The following TMEM108 variants were observed in gnomAD, a reference collection of about 807,000 sequenced individuals.
TMEM108 encodes the protein transmembrane protein 108, also known as cancer/testis antigen 124.
In TMEM108, 12 loss-of-function variants were observed where a neutral mutation model predicts 35.1. The ratio of observed to expected loss-of-function variants is 0.34; its 90% confidence interval spans 0.22 to 0.55. TMEM108 has a LOEUF of 0.55. Ranked by LOEUF, TMEM108 falls within the 20% of genes least tolerant of loss-of-function variation. The probability of loss-of-function intolerance (pLI) is 0.89; values close to 1 mark genes in which losing one functional copy is unlikely to be tolerated. For missense variants in TMEM108, 680 were observed against 753.3 expected, an observed-to-expected ratio of 0.90 and a Z score of 1.14; for synonymous variants, 287 against 308.6, an observed-to-expected ratio of 0.93 and a Z score of 0.73.
intron 2 of TMEM108, among the ~76,000 whole-genome samples, chr3:133,185,167 A>C (rs937852052): frequency 2.0e-5 from 3 of 152,122 alleles, no homozygotes; most frequent in Non-Finnish European, 4.4e-5. Flanking sequence ...AGATCTTTTA[A>C]AATATTATCT....
intron 2 of TMEM108, among the ~76,000 whole-genome samples, chr3:133,132,599 G>C (rs934295254): frequency 6.6e-6 from 1 of 152,134 alleles, no homozygotes; most frequent in African/African-American, 2.4e-5. Flanking sequence ...CTCTGAGGGG[G>C]ATGTACAAGG....
intron 2 of TMEM108, among the ~76,000 whole-genome samples, chr3:133,206,336 C>T (rs1286099771): frequency 6.6e-6 from 1 of 152,198 alleles, no homozygotes; most frequent in African/African-American, 2.4e-5. Context: ...CAGTTTTGTT[C>T]CCTTGCTGGC....
chr3:133,341,912 C>T (rs1475877739), intron 3 of TMEM108, among the ~76,000 whole-genome samples: 5 of 151,878 alleles, frequency 3.3e-5, no homozygotes, highest in African/African-American at 1.2e-4. Flanking sequence ...AAATCTAAGA[C>T]CTCAAACTAT....
At chr3:133,182,306 A>G (rs1002531611) in intron 2 of TMEM108, among the ~76,000 whole-genome samples, 2 of 152,246 alleles carry the variant, frequency 1.3e-5, no homozygotes, top group African/African-American at 4.8e-5. Flanking sequence ...GTTTTGATCT[A>G]GGAAAATACA....
At chr3:133,184,790 C>G (rs759371345) in intron 2 of TMEM108, among the ~76,000 whole-genome samples, 1 of 152,126 alleles carries the variant, frequency 6.6e-6, no homozygotes, top group Non-Finnish European at 1.5e-5. Context: ...TCTCAGTGTT[C>G]TGGGGAGAAT....
intron 2 of TMEM108, among the ~76,000 whole-genome samples, chr3:133,066,141 T>G (rs1943603780): frequency 6.6e-6 from 1 of 152,150 alleles, no homozygotes; most frequent in Admixed American, 6.5e-5. Flanking sequence ...TTCCCATTAC[T>G]TAGACTCGTC....
At chr3:133,165,371 A>G (rs1450053) in intron 2 of TMEM108, among the ~76,000 whole-genome samples, 93,861 of 152,048 alleles carry the variant, frequency 0.62, 29,674 homozygotes, top group Middle Eastern at 0.71. Context: ...TAAATGCACC[A>G]CACATTGGAT....
At chr3:133,094,238 C>CA (rs1943984734) in intron 2 of TMEM108, among the ~76,000 whole-genome samples, 1 of 129,786 alleles carries the variant, frequency 7.7e-6, no homozygotes, top group South Asian at 3.3e-4. Flanking sequence ...CCCCCACCCC[C>CA]CCCACACACA....
chr3:133,125,461 GATTA>G lies in TMEM108; in HGVS notation c.-47+79445_-47+79448del, dbSNP rs375726842. On this transcript the variant is annotated intron_variant, in intron 2 of 5. Transcript: ENST00000321871. Reference sequence around the variant, plus strand: ...CTCGAATGTGCTATTTAACCTCCCTGATTAATTGATTATCCAGCTCCGAAAATAA... The same window carrying G: ...CTCGAATGTGCTATTTAACCTCCCTGATTGATTATCCAGCTCCGAAAATAA... Among the ~76,000 whole-genome samples the G allele has an allele frequency of 2.3e-3, 349 of 152,212 alleles. 4 individuals carry two copies. The highest frequency in any genetic ancestry group is 7.9e-3 in the African/African-American group (328 of 41,550).
At chr3:133,287,266 A>G (rs903501948) in intron 3 of TMEM108, among the ~76,000 whole-genome samples, 1 of 152,128 alleles carries the variant, frequency 6.6e-6, no homozygotes, top group Non-Finnish European at 1.5e-5. Flanking sequence ...TACTTATAAA[A>G]CCTTTTAAAA....
chr3:133,342,551 TATATACAC>T lies in TMEM108; in HGVS notation c.41-37199_41-37192del, dbSNP rs1379944179. Among the ~76,000 whole-genome samples, 4 of 90,372 alleles carry T rather than the reference TATATACAC, an allele frequency of 4.4e-5. 2 individuals are homozygous for T. Among genetic ancestry groups the T allele is most frequent in the Non-Finnish European group, 9.2e-5 (4 of 43,358 alleles). 59.3% of individuals were successfully genotyped at this position (90,372 alleles called of 152,430 possible). ...GTTAAAAAAGAAAATGTGGTATATA[TATATACAC>T]ACACACACACAATGGAGTACTCTGC... On this transcript the variant is annotated intron_variant, in intron 3 of 5. Transcript: ENST00000321871.
chr3:133,318,680 C>T (rs1398763), intron 3 of TMEM108, among the ~76,000 whole-genome samples: 140,226 of 152,076 alleles, frequency 0.92, 65,627 homozygotes, highest in Non-Finnish European at 1. Context: ...GCAAATAAAT[C>T]ATAAGAAAAA....
chr3:133,145,140 A>G (rs1244180285), intron 2 of TMEM108, among the ~76,000 whole-genome samples: 1 of 152,268 alleles, frequency 6.6e-6, no homozygotes, highest in South Asian at 2.1e-4. Context: ...TAATTTTTCT[A>G]TAAGATGTAA....
chr3:133,198,052 T>A (rs1945605307), intron 2 of TMEM108, among the ~76,000 whole-genome samples: 1 of 152,178 alleles, frequency 6.6e-6, no homozygotes, highest in Non-Finnish European at 1.5e-5. Flanking sequence ...CTCTGAGAGA[T>A]GTAGTTTCCA....
intron 3 of TMEM108, among the ~76,000 whole-genome samples, chr3:133,300,493 C>A (rs972749713): frequency 6.6e-6 from 1 of 152,066 alleles, no homozygotes; most frequent in Admixed American, 6.5e-5. Flanking sequence ...GTGGAAATGA[C>A]TGTCATGAAG....
chr3:133,267,483 C>T (rs1056100331), intron 3 of TMEM108, among the ~76,000 whole-genome samples: 1 of 152,134 alleles, frequency 6.6e-6, no homozygotes, highest in African/African-American at 2.4e-5. Context: ...AGAAGAAGGG[C>T]CAGCACTATG....
chr3:133,130,123 G>A (rs1429654992), intron 2 of TMEM108, among the ~76,000 whole-genome samples: 1 of 152,046 alleles, frequency 6.6e-6, no homozygotes, highest in Non-Finnish European at 1.5e-5. Context: ...CACTTTTTGG[G>A]TAAAATACAG....
chr3:133,109,962 A>T (rs192541692), intron 2 of TMEM108, among the ~76,000 whole-genome samples: 2 of 152,192 alleles, frequency 1.3e-5, no homozygotes, highest in Middle Eastern at 3.4e-3. Flanking sequence ...TCTTTTTAGG[A>T]TTGGTAAGTA....
chr3:133,308,130 T>A (rs1008731073), intron 3 of TMEM108, among the ~76,000 whole-genome samples: 2 of 152,194 alleles, frequency 1.3e-5, no homozygotes, highest in Non-Finnish European at 2.9e-5. Flanking sequence ...CAATTGTGAA[T>A]GGGAGTTCAC....
Sources: gnomAD v4.1 joint callset for allele counts (sites outside exome capture counted in the v4.1 genomes callset) on GRCh38, gnomAD v4.1.1 for gene constraint, MANE v1.5 for transcripts, NCBI Gene and HGNC (gene_info 2026-07-23, HGNC 2026-07-21) for gene names.